Variants in ABL1 observed in about 807,000 individuals in gnomAD.
The protein encoded by ABL1 is ABL proto-oncogene 1, non-receptor tyrosine kinase, also known as tyrosine-protein kinase ABL1.
In ABL1, 11 loss-of-function variants were observed where a neutral mutation model predicts 94.7. That is an observed-to-expected ratio of 0.12 (90% CI 0.07 to 0.19). The LOEUF (loss-of-function observed/expected upper bound fraction) is 0.19. Among genes scored for constraint, ABL1 ranks in the 10% least tolerant of loss-of-function variants. The pLI, the probability that ABL1 is intolerant of heterozygous loss-of-function variation, is 1.00. For missense variants in ABL1, 1,082 were observed against 1,489.4 expected (o/e 0.73, Z 4.50); for synonymous variants, 656 against 622.4 (o/e 1.05, Z -0.80).
chr9:130,861,105 G>T (rs2132969670), intron 3 of ABL1, among the ~76,000 whole-genome samples: 1 of 152,288 alleles, frequency 6.6e-6, no homozygotes, highest in East Asian at 1.9e-4. Flanking sequence ...ATAAAAGCAG[G>T]GCCGCCACAT....
chr9:130,769,921 A>G (rs879839800), intron 1 of ABL1, among the ~76,000 whole-genome samples: 5 of 152,170 alleles, frequency 3.3e-5, no homozygotes, highest in East Asian at 1.9e-4. Context: ...CCAGAATGTC[A>G]TATCAATGGA....
At chr9:130,758,909 A>C (rs144916165) in intron 1 of ABL1, among the ~76,000 whole-genome samples, 96 of 152,312 alleles carry the variant, frequency 6.3e-4, no homozygotes, top group African/African-American at 2.2e-3. Flanking sequence ...GGGATTCAGA[A>C]GGCTGTAGTG....
At chr9:130,805,336 C>T (rs776213193) in intron 1 of ABL1, among the ~76,000 whole-genome samples, 2 of 152,170 alleles carry the variant, frequency 1.3e-5, no homozygotes, top group African/African-American at 4.8e-5. Flanking sequence ...CCTCGGCCTC[C>T]CAAAGTGCTG....
chr9:130,870,543 C>A (rs142697860), intron 4 of ABL1, among the ~76,000 whole-genome samples: 114 of 152,290 alleles, frequency 7.5e-4, no homozygotes, highest in Non-Finnish European at 1.3e-3. Context: ...TACTGGCAGG[C>A]GTTCACTGTC....
At chr9:130,755,939 C>G (rs1832036361) in intron 1 of ABL1, among the ~76,000 whole-genome samples, 1 of 152,096 alleles carries the variant, frequency 6.6e-6, no homozygotes. Context: ...AGCAGCAGCA[C>G]TCTGTAATAT....
At chr9:130,771,597 G>C (rs1832251589) in intron 1 of ABL1, among the ~76,000 whole-genome samples, 1 of 151,904 alleles carries the variant, frequency 6.6e-6, no homozygotes, top group Non-Finnish European at 1.5e-5. Flanking sequence ...AAGTATCATA[G>C]GTATTTATCC....
intron 1 of ABL1, among the ~76,000 whole-genome samples, chr9:130,747,164 C>G (rs531484523): frequency 4.9e-4 from 75 of 152,240 alleles, no homozygotes; most frequent in African/African-American, 1.8e-3. Context: ...TGCTTGAGCT[C>G]AGGAGTTTGA....
chr9:130,791,094 A>T (rs1588240203), intron 1 of ABL1, among the ~76,000 whole-genome samples: 1 of 152,240 alleles, frequency 6.6e-6, no homozygotes, highest in East Asian at 1.9e-4. Context: ...TTCATGTCTA[A>T]ACATATCAGT....
chr9:130,726,564 C>CA (rs1415921065), intron 1 of ABL1, among the ~76,000 whole-genome samples: 6 of 151,798 alleles, frequency 4.0e-5, no homozygotes, highest in African/African-American at 1.2e-4. Context: ...TTAATCTTTT[C>CA]AAAAAAAATT....
intron 10 of ABL1, among the ~76,000 whole-genome samples, chr9:130,883,103 G>A (rs977050140): frequency 1.3e-5 from 2 of 152,164 alleles, no homozygotes; most frequent in Non-Finnish European, 2.9e-5. Context: ...AGTCCCAGCC[G>A]GGCTACAGCA....
intron 4 of ABL1, among the ~76,000 whole-genome samples, chr9:130,866,340 C>CT (rs777727839): frequency 6.6e-6 from 1 of 152,088 alleles, no homozygotes; most frequent in South Asian, 2.1e-4. Flanking sequence ...ACAGTTATGC[C>CT]TTTTAAAAAA....
At chr9:130,826,118 G>A (rs1240225958) in intron 1 of ABL1, among the ~76,000 whole-genome samples, 1 of 151,932 alleles carries the variant, frequency 6.6e-6, no homozygotes, top group East Asian at 1.9e-4. Flanking sequence ...ATGCAATATG[G>A]GGAAAATAAA....
intron 6 of ABL1, 21 bp from the exon 7 acceptor site, chr9:130,874,847 G>T (rs1831314572): frequency 6.2e-7 from 1 of 1,613,620 alleles, no homozygotes; most frequent in African/African-American, 1.3e-5. Context: ...GCTCTCATGG[G>T]TGAACATTTT....
chr9:130,885,746 A>T lies in ABL1; in HGVS notation c.*63A>T. 2 of 1,541,402 alleles carry T rather than the reference A, an allele frequency of 1.3e-6. No homozygotes were observed. The highest frequency in any genetic ancestry group is 1.7e-6 in the Non-Finnish European group (2 of 1,145,046). On this transcript the variant is annotated 3_prime_UTR_variant, in exon 11 of 11. Coordinates refer to ENST00000318560, the MANE Select transcript of ABL1 (RefSeq NM_005157.6). Reference sequence around the variant, plus strand: ...GCCTGCAGCACATGCGGGCTCGCCCATACCCGTGACAGTGGCTGACAAGGG... The same window carrying T: ...GCCTGCAGCACATGCGGGCTCGCCCTTACCCGTGACAGTGGCTGACAAGGG...
chr9:130,886,181 CAT>C lies in ABL1; in HGVS notation c.*499_*500del, dbSNP rs1467561471. On this transcript the variant is annotated 3_prime_UTR_variant, in exon 11 of 11. Coordinates refer to ENST00000318560, the MANE Select transcript of ABL1 (RefSeq NM_005157.6). The stretch of plus-strand genomic sequence containing the variant: ...GGCCTTGCCCGTCGTGTGCTGAAGA[CAT>C]GTTTCAAGAACCGCATTTCGGGAAG... The C allele has an allele frequency of 1.2e-5, 3 of 241,262 alleles. No homozygotes were observed. Among genetic ancestry groups the C allele is most frequent in the East Asian group, 6.0e-5 (1 of 16,756 alleles). 14.9% of individuals were successfully genotyped at this position (241,262 alleles called of 1,614,324 possible).
At chr9:130,789,294 A>G (rs1238317693) in intron 1 of ABL1, among the ~76,000 whole-genome samples, 2 of 152,254 alleles carry the variant, frequency 1.3e-5, no homozygotes, top group African/African-American at 4.8e-5. Context: ...GGGCAAAGAA[A>G]AAAAATCACA....
chr9:130,745,239 C>T (rs1303382227), intron 1 of ABL1, among the ~76,000 whole-genome samples: 1 of 151,896 alleles, frequency 6.6e-6, no homozygotes, highest in African/African-American at 2.4e-5. Context: ...CATGCGCCGC[C>T]ACACCTGGCT....
At chr9:130,726,140 C>A (rs1462565983) in intron 1 of ABL1, among the ~76,000 whole-genome samples, 1 of 151,974 alleles carries the variant, frequency 6.6e-6, no homozygotes, top group Non-Finnish European at 1.5e-5. Flanking sequence ...ATTGAGCTCC[C>A]TTGCGCGACC....
At chr9:130,723,832 G>A (rs983761455) in intron 1 of ABL1, among the ~76,000 whole-genome samples, 1 of 151,156 alleles carries the variant, frequency 6.6e-6, no homozygotes, top group African/African-American at 2.4e-5. Context: ...TTTTTTTTGA[G>A]ATGGAGTCTC....
Sources: gnomAD v4.1 joint callset for allele counts (sites outside exome capture counted in the v4.1 genomes callset) on GRCh38, gnomAD v4.1.1 for gene constraint, MANE v1.5 for transcripts, NCBI Gene and HGNC (gene_info 2026-07-23, HGNC 2026-07-21) for gene names.